NCOA2: variants seen among roughly 807,000 people sequenced by gnomAD.
NCOA2 encodes nuclear receptor coactivator 2.
In NCOA2, 21 loss-of-function variants were observed where a neutral mutation model predicts 145.1. The observed-to-expected ratio is 0.14, with a 90% confidence interval of 0.10 to 0.21. The LOEUF (loss-of-function observed/expected upper bound fraction) is 0.21, where lower values mean the gene tolerates loss of function less well. Among genes scored for constraint, NCOA2 ranks in the 10% least tolerant of loss-of-function variants. NCOA2 has a pLI of 1.00. For missense variants in NCOA2, 1,472 were observed against 1,837.6 expected (o/e 0.80, Z 3.64); for synonymous variants, 619 against 637.5 (o/e 0.97, Z 0.44).
chr8:70,172,857 G>GT (rs982100782), intron 5 of NCOA2, among the ~76,000 whole-genome samples: 2 of 151,886 alleles, frequency 1.3e-5, no homozygotes, highest in African/African-American at 2.4e-5. Context: ...ATAAAGCTGT[G>GT]TTTTTTTTAA....
the NCOA2 span, among the ~76,000 whole-genome samples, chr8:70,419,134 T>G: frequency 1.3e-5 from 2 of 152,058 alleles, no homozygotes; most frequent in African/African-American, 4.8e-5. Context: ...ATCCAGATTC[T>G]TTATTGAACA....
At chr8:70,435,424 CAAAAAAAAAA>C in the NCOA2 span, among the ~76,000 whole-genome samples, 227 of 20,140 alleles carry the variant, frequency 0.011, 5 homozygotes, top group South Asian at 0.063. Flanking sequence ...GACTCCGTCT[CAAAAAAAAAA>C]AAAAAAAAAA....
intron 2 of NCOA2, among the ~76,000 whole-genome samples, chr8:70,270,324 C>T (rs530927489): frequency 6.6e-6 from 1 of 152,096 alleles, no homozygotes; most frequent in African/African-American, 2.4e-5. Flanking sequence ...ATGCAACAGC[C>T]GAAAAATTGT....
At chr8:70,309,953 G>C (rs978062601) in intron 1 of NCOA2, among the ~76,000 whole-genome samples, 2 of 150,750 alleles carry the variant, frequency 1.3e-5, no homozygotes, top group African/African-American at 4.9e-5. Flanking sequence ...ACCCTGTCTC[G>C]AAAACAAACA....
At chr8:70,227,283 A>C (rs1325993835) in intron 2 of NCOA2, among the ~76,000 whole-genome samples, 2 of 152,226 alleles carry the variant, frequency 1.3e-5, no homozygotes, top group Non-Finnish European at 2.9e-5. Flanking sequence ...ACAGAAAAGC[A>C]CAGTTTTGCC....
chr8:70,383,322 C>T (rs1021113568), intron 1 of NCOA2, among the ~76,000 whole-genome samples: 27 of 152,246 alleles, frequency 1.8e-4, no homozygotes, highest in African/African-American at 6.0e-4. Flanking sequence ...AATCCCTTGA[C>T]CTATAATTAC....
chr8:70,414,932 A>G, the NCOA2 span, among the ~76,000 whole-genome samples: 30 of 151,118 alleles, frequency 2.0e-4, no homozygotes, highest in African/African-American at 7.1e-4. Flanking sequence ...AATGCACAAA[A>G]TGATAAAAAA....
intron 2 of NCOA2, among the ~76,000 whole-genome samples, chr8:70,233,019 G>A (rs866046562): frequency 9.9e-5 from 15 of 152,120 alleles, no homozygotes; most frequent in African/African-American, 3.4e-4. Flanking sequence ...AAGGTCAAGA[G>A]ATCAAGACCA....
rs774406485 is a variant in NCOA2 at position 70,156,818 on chromosome 8, G to A, written c.1547C>T (p.Pro516Leu). 7 of 1,614,022 alleles carry A rather than the reference G, an allele frequency of 4.3e-6. No individual in the cohort carries two copies. Among genetic ancestry groups the A allele is most frequent in the Non-Finnish European group, 5.9e-6 (7 of 1,179,898 alleles). Residue 516 changes from proline (P) to leucine (L), a missense_variant, in exon 11 of 23, where the codon CCT becomes CTT. By Grantham distance (98) the Pro-to-Leu change is moderately conservative. This residue lies in a region of NCOA2 where 953 missense variants were observed against 1,062.1 expected (regional missense o/e 0.90). Coordinates refer to ENST00000452400, the MANE Select transcript of NCOA2 (RefSeq NM_006540.4). ...QFSPAGSLHS[P>L]VGVCSSTGNS... ...TCCTGTGCTGCTGCAAACTCCCACA[G>A]GGGAATGCAAGCTTCCTGCAGGGGA... is the stretch of plus-strand genomic sequence containing the variant.
In NCOA2 at chr8:70,124,842, C is replaced by G. The variant is rs763278620; in HGVS notation, c.3940G>C (p.Gly1314Arg). Reference sequence around the variant, plus strand: ...TGGGGAGTCGTAGCCCCAGTAAAGCCTGGATCAGGTTGCTGACTTATTCCT... The same window carrying G: ...TGGGGAGTCGTAGCCCCAGTAAAGCGTGGATCAGGTTGCTGACTTATTCCT... ...NYGISQQPDP[G>R]FTGATTPQSP... The change falls in exon 20 of 23, where the codon GGC becomes CGC. Residue 1314 changes from glycine (G) to arginine (R), a missense_variant. Gly to Arg is a moderately radical substitution (Grantham distance 125). Transcript: ENST00000452400. 10 of 1,598,120 alleles carry G rather than the reference C, an allele frequency of 6.3e-6. No homozygotes were observed. The highest frequency in any genetic ancestry group is 8.5e-6 in the Non-Finnish European group (10 of 1,175,108).
chr8:70,257,688 G>A (rs1372179709), intron 2 of NCOA2, among the ~76,000 whole-genome samples: 1 of 151,880 alleles, frequency 6.6e-6, no homozygotes, highest in Non-Finnish European at 1.5e-5. Context: ...TGGCCCTTGA[G>A]AACCACACAG....
chr8:70,128,087 G>A (rs780651478), intron 18 of NCOA2, among the ~76,000 whole-genome samples: 2 of 152,198 alleles, frequency 1.3e-5, no homozygotes, highest in Admixed American at 1.3e-4. Flanking sequence ...ATAAAACAAG[G>A]TTATGTGTTG....
intron 1 of NCOA2, among the ~76,000 whole-genome samples, chr8:70,341,857 C>T (rs1453209480): frequency 6.6e-6 from 1 of 152,188 alleles, no homozygotes; most frequent in Admixed American, 6.5e-5. Flanking sequence ...TTTAATAATA[C>T]ATGTTCAAAA....
chr8:70,213,085 A>G (rs993418322), intron 4 of NCOA2, among the ~76,000 whole-genome samples: 1 of 147,620 alleles, frequency 6.8e-6, no homozygotes, highest in African/African-American at 2.6e-5. Flanking sequence ...ACTGTCTCAA[A>G]AAAAACACCA....
intron 1 of NCOA2, among the ~76,000 whole-genome samples, chr8:70,370,727 T>C (rs577649138): frequency 6.6e-6 from 1 of 152,220 alleles, no homozygotes; most frequent in South Asian, 2.1e-4. Context: ...AAAATACTTT[T>C]GTGAACAGGT....
chr8:70,114,705 G>A (rs1278362311), intron 22 of NCOA2, among the ~76,000 whole-genome samples: 1 of 152,148 alleles, frequency 6.6e-6, no homozygotes, highest in East Asian at 1.9e-4. Context: ...TGTCTGCTTT[G>A]GGAACAATTG....
the NCOA2 span, among the ~76,000 whole-genome samples, chr8:70,453,157 T>C: frequency 1.3e-5 from 2 of 152,166 alleles, no homozygotes; most frequent in East Asian, 3.8e-4. Flanking sequence ...GGAGAGGGCT[T>C]GGAGCTTGAG....
intron 1 of NCOA2, among the ~76,000 whole-genome samples, chr8:70,325,766 T>C (rs1361000623): frequency 6.6e-6 from 1 of 152,206 alleles, no homozygotes; most frequent in Non-Finnish European, 1.5e-5. Flanking sequence ...TGTCTGTTCT[T>C]TATCGAGGCT....
At chr8:70,136,542 GA>G (rs1199580406) in intron 15 of NCOA2, among the ~76,000 whole-genome samples, 1 of 131,128 alleles carries the variant, frequency 7.6e-6, no homozygotes, top group African/African-American at 3.4e-5. Context: ...TATACCAGAT[GA>G]ATGAAGGAAA....
Sources: allele counts gnomAD v4.1 joint callset (sites outside exome capture counted in the v4.1 genomes callset), GRCh38; gene constraint gnomAD v4.1.1; regional missense constraint gnomAD v4.1.1; transcripts MANE v1.5; gene names NCBI Gene and HGNC (gene_info 2026-07-23, HGNC 2026-07-21).